Variants in SLC5A11 observed in about 807,000 individuals in gnomAD.
The protein encoded by SLC5A11 is solute carrier family 5 member 11.
A neutral mutation model predicts 69.8 loss-of-function variants in SLC5A11; 48 were observed. The ratio of observed to expected loss-of-function variants is 0.69; its 90% CI spans 0.55 to 0.87. SLC5A11 has a LOEUF of 0.87. Among genes scored for constraint, SLC5A11 ranks in the 40% least tolerant of loss-of-function variants. SLC5A11 has a pLI of 0.00. For missense variants in SLC5A11, 784 were observed against 866.1 expected (o/e 0.91, Z 1.19); for synonymous variants, 319 against 342.4 (o/e 0.93, Z 0.75).
At chr16:24,878,141 C>T (rs559858814) in intron 7 of SLC5A11, among the ~76,000 whole-genome samples, 1 of 152,328 alleles carries the variant, frequency 6.6e-6, no homozygotes, top group Admixed American at 6.5e-5. Flanking sequence ...GGTGACAGAG[C>T]GAGACTCCGT....
At chr16:24,908,886 C>G (rs753183742) in exon 14 of SLC5A11, 1 of 1,612,978 alleles carries the variant, frequency 6.2e-7, no homozygotes, top group African/African-American at 1.3e-5. Flanking sequence ...TGCAGGGTGC[C>G]TTCTGGGGCC....
At chr16:24,902,604 A>G (rs143837948) in intron 10 of SLC5A11, among the ~76,000 whole-genome samples, 442 of 148,892 alleles carry the variant, frequency 3.0e-3, no homozygotes, top group Non-Finnish European at 5.3e-3. Flanking sequence ...CTGGAGTGCA[A>G]TGGTGCGATC....
chr16:24,870,442 A>ACAAAAAAAACCACACACACACACAC (rs71156449), intron 4 of SLC5A11, among the ~76,000 whole-genome samples: 1 of 140,556 alleles, frequency 7.1e-6, no homozygotes, highest in Non-Finnish European at 1.5e-5. Context: ...AACAAAAAAA[A>ACAAAAAAAACCACACACACACACAC]ACACACACAC....
At chr16:24,909,170 TA>T in intron 14 of SLC5A11, 74 bp downstream of exon 15, 13 of 1,483,670 alleles carry the variant, frequency 8.8e-6, no homozygotes, top group Non-Finnish European at 1.2e-5. Context: ...CAAACTGACT[TA>T]AGCGAAGGAG....
intron 4 of SLC5A11, among the ~76,000 whole-genome samples, chr16:24,871,949 C>T (rs989789977): frequency 6.6e-6 from 1 of 152,120 alleles, no homozygotes. Context: ...ATCGCAAAGG[C>T]CTTCTTTTTC....
chr16:24,875,534 C>CG lies in SLC5A11; in HGVS notation c.373-88dup. On this transcript the variant is annotated intron_variant, in intron 5 of 15. Coordinates refer to ENST00000347898, the Ensembl canonical transcript of SLC5A11. ...AGAAGACCATCTGTGCTCTGAGTTGCGGGGGCAGGAGCAGATGGGAAGGGC... is the reference window on the plus strand; with the variant it reads ...AGAAGACCATCTGTGCTCTGAGTTGCGGGGGGCAGGAGCAGATGGGAAGGGC... 1.2e-5 allele frequency: 11 copies of CG among 949,894 alleles called. No individual in the cohort carries two copies. The South Asian group carries it at 1.6e-4, about 14-fold the overall frequency. The allele number at this position is 949,894 out of a possible 1,614,324, so 58.8% of individuals were successfully genotyped here. A position where few individuals can be genotyped will look rare whatever the true frequency, so the allele number is the denominator to read the frequency against.
At chr16:24,903,477 A>G (rs1336570469) in intron 10 of SLC5A11, among the ~76,000 whole-genome samples, 1 of 151,996 alleles carries the variant, frequency 6.6e-6, no homozygotes, top group Non-Finnish European at 1.5e-5. Flanking sequence ...TTTTCTATCC[A>G]TTTACCAACC....
chr16:24,902,224 C>T (rs960494230), intron 10 of SLC5A11, among the ~76,000 whole-genome samples: 4 of 152,038 alleles, frequency 2.6e-5, no homozygotes, highest in Non-Finnish European at 5.9e-5. Flanking sequence ...CAAGGTTTCC[C>T]GGGAAGTCCT....
intron 2 of SLC5A11, among the ~76,000 whole-genome samples, chr16:24,860,055 G>T (rs914651918): frequency 6.6e-6 from 1 of 152,212 alleles, no homozygotes; most frequent in Non-Finnish European, 1.5e-5. Flanking sequence ...GGAGGCAGAG[G>T]TGGGCAGATC....
intron 5 of SLC5A11, among the ~76,000 whole-genome samples, chr16:24,875,151 C>T (rs1303858776): frequency 1.3e-5 from 2 of 152,116 alleles, no homozygotes; most frequent in Admixed American, 1.3e-4. Context: ...ACAATTAAAT[C>T]TATTATCCGC....
At position 24,897,969 on chromosome 16, in the gene SLC5A11, T is replaced by C; in HGVS notation, c.871-5T>C. On this transcript the variant is annotated splice_polypyrimidine_tract_variant and splice_region_variant and intron_variant, in intron 9 of 15. Coordinates refer to ENST00000347898, the Ensembl canonical transcript of SLC5A11. The stretch of plus-strand genomic sequence containing the variant: ...CCAGTTTCCAACCCCCTTGATCTTT[T>C]CCAGGTGATTGTCCAGCGGACTCTG... The C allele has an allele frequency of 6.2e-7, 1 of 1,613,864 alleles. No individual in the cohort carries two copies. The highest frequency in any genetic ancestry group is 1.3e-5 in the African/African-American group (1 of 75,044).
chr16:24,850,490 C>T (rs533324925), intron 1 of SLC5A11, among the ~76,000 whole-genome samples: 3 of 152,336 alleles, frequency 2.0e-5, no homozygotes, highest in South Asian at 2.1e-4. Context: ...AGGCAGTCAG[C>T]GCCACTGCAG....
At chr16:24,862,746 A>C (rs75496320) in intron 3 of SLC5A11, 74 bp downstream of exon 4, 65,882 of 1,371,912 alleles carry the variant, frequency 0.048, 6,166 homozygotes, top group East Asian at 0.28. Context: ...CCAGCCTTTG[A>C]TATCTCAGGA....
exon 1 of SLC5A11, chr16:24,846,254 G>A (rs1175609344): frequency 2.6e-5 from 4 of 152,466 alleles, no homozygotes; most frequent in African/African-American, 7.2e-5. Context: ...TTTGGAGTTT[G>A]ACCCGCTTGG....
At chr16:24,872,245 G>T (rs772112975) in intron 5 of SLC5A11, 26 bp downstream of exon 6, 2 of 1,613,360 alleles carry the variant, frequency 1.2e-6, no homozygotes, top group Non-Finnish European at 1.7e-6. Context: ...TTGGGATGCT[G>T]TAGAATTGAA....
Position 24,858,681 on chromosome 16 carries a change from TAG to T in SLC5A11, c.40_41del (p.Asp14SerfsTer88), listed in dbSNP as rs2059634508. 1 of 1,611,360 alleles carries T rather than the reference TAG, an allele frequency of 6.2e-7. No individual in the cohort carries two copies. The highest frequency in any genetic ancestry group is 8.5e-7 in the Non-Finnish European group (1 of 1,179,628). On this transcript the variant is annotated frameshift_variant, in exon 2 of 16. Coordinates refer to ENST00000347898, the Ensembl canonical transcript of SLC5A11. LOFTEE classifies it high-confidence loss of function. ...ACCAGCAGCCCTCAGCCTCCACAGT[TAG>T]ATCCCCTGGATGCGTTTCCCCAGAA...
chr16:24,875,555 A>G (rs2047612773), intron 5 of SLC5A11, 72 bp from the exon 7 acceptor site: 7 of 1,209,352 alleles, frequency 5.8e-6, no homozygotes, highest in Non-Finnish European at 8.3e-6. Flanking sequence ...GCAGATGGGA[A>G]GGGCTTGTGT....
chr16:24,849,562 G>A (rs1426868775), intron 1 of SLC5A11, among the ~76,000 whole-genome samples: 1 of 85,184 alleles, frequency 1.2e-5, no homozygotes, highest in Admixed American at 1.4e-4. Flanking sequence ...GCGAGACTCT[G>A]CCTTGGGGGC....
chr16:24,872,130 G>A lies in SLC5A11; in HGVS notation c.313-30G>A, dbSNP rs139430388. ...ATGGGTACCTTGTTGTGAGCTGGGG[G>A]CCAAGTCCTGACTGTGTTTTCTTGA... is the stretch of plus-strand genomic sequence containing the variant. On this transcript the variant is annotated intron_variant, in intron 4 of 15. Transcript: ENST00000347898. The A allele has an allele frequency of 1.6e-3, 2,649 of 1,613,968 alleles. 63 individuals are homozygous for A. In the East Asian group the frequency reaches 0.043, roughly 26 times the overall value.
Sources: allele counts gnomAD v4.1 joint callset (sites outside exome capture counted in the v4.1 genomes callset), GRCh38; gene constraint gnomAD v4.1.1; transcripts MANE v1.5; gene names NCBI Gene and HGNC (gene_info 2026-07-23, HGNC 2026-07-21).